GLDC: variants seen among roughly 807,000 people sequenced by gnomAD.
GLDC encodes glycine dehydrogenase (decarboxylating), mitochondrial.
In GLDC, 104 loss-of-function variants were observed where a neutral mutation model predicts 121.3. The observed-to-expected ratio is 0.86, with a 90% CI of 0.73 to 1.01. The LOEUF (loss-of-function observed/expected upper bound fraction) is 1.01, where lower values mean the gene tolerates loss of function less well. Ranked by LOEUF, GLDC falls within the 50% of genes least tolerant of loss-of-function variation. The pLI is 0.00. For missense variants in GLDC, 1,429 were observed against 1,306.6 expected (o/e 1.09, Z -1.44); for synonymous variants, 546 against 480.6 (o/e 1.14, Z -1.78).
intron 2 of GLDC, among the ~76,000 whole-genome samples, chr9:6,634,527 T>TCAAA (rs140567848): frequency 0.26 from 38,106 of 147,202 alleles, 6,871 homozygotes; most frequent in African/African-American, 0.51. Flanking sequence ...AGACCGTGTC[T>TCAAA]CAAACAAACA....
chr9:6,565,593 T>A, intron 15 of GLDC, 164 bp from the exon 16 acceptor site: 6 of 698,030 alleles, frequency 8.6e-6, no homozygotes, highest in Non-Finnish European at 1.6e-5. Flanking sequence ...AGTCAAAAGG[T>A]CTTGAACAAT....
intron 16 of GLDC, among the ~76,000 whole-genome samples, chr9:6,559,589 T>A (rs1163804484): frequency 6.9e-6 from 1 of 145,918 alleles, no homozygotes; most frequent in South Asian, 2.2e-4. Flanking sequence ...TCCCAACACT[T>A]CGGGAGGTGG....
At chr9:6,584,363 CA>C (rs945133608) in intron 15 of GLDC, among the ~76,000 whole-genome samples, 1 of 152,156 alleles carries the variant, frequency 6.6e-6, no homozygotes, top group Non-Finnish European at 1.5e-5. Flanking sequence ...TTTCTTCTTA[CA>C]AAAAATGTGA....
chr9:6,605,274 T>C lies in GLDC; in HGVS notation c.718A>G (p.Thr240Ala), dbSNP rs1174541100. ...AACTTCAGCTCAGTGAGGACTCCAGTATATCTGGAAAGACAGACAACAAAG... is the reference window on the plus strand; with the variant it reads ...AACTTCAGCTCAGTGAGGACTCCAGCATATCTGGAAAGACAGACAACAAAG... Reference protein sequence around the residue: ...IAVVQTRAKYTGVLTELKLPC... With the variant: ...IAVVQTRAKYAGVLTELKLPC... The change falls in exon 6 of 25, where the codon ACT becomes GCT. Residue 240 changes from threonine to alanine, a missense_variant. By Grantham distance (58) the Thr-to-Ala change is moderately conservative (BLOSUM62 0). Transcript: ENST00000321612. 8 of 1,613,540 alleles carry C rather than the reference T, an allele frequency of 5.0e-6. No individual in the cohort carries two copies. The highest frequency in any genetic ancestry group is 1.7e-5 in the Admixed American group (1 of 59,986).
intron 15 of GLDC, among the ~76,000 whole-genome samples, chr9:6,566,846 T>A (rs1817864362): frequency 6.6e-6 from 1 of 152,068 alleles, no homozygotes. Flanking sequence ...AGAAAATCGG[T>A]AAGAATTTTA....
intron 3 of GLDC, among the ~76,000 whole-genome samples, chr9:6,617,556 A>C (rs1332969143): frequency 6.6e-6 from 1 of 152,216 alleles, no homozygotes; most frequent in East Asian, 1.9e-4. Context: ...CCACAATGAA[A>C]AAGAAGCCTT....
intron 1 of GLDC, among the ~76,000 whole-genome samples, 174 bp downstream of exon 1, chr9:6,645,071 T>A (rs1168615963): frequency 6.6e-6 from 1 of 152,154 alleles, no homozygotes; most frequent in African/African-American, 2.4e-5. Flanking sequence ...TGTTAAGAAG[T>A]AAGAAGGCAC....
intron 8 of GLDC, among the ~76,000 whole-genome samples, chr9:6,600,895 C>T (rs941603030): frequency 1.3e-5 from 2 of 152,110 alleles, no homozygotes; most frequent in African/African-American, 2.4e-5. Context: ...CCAGACATGG[C>T]CAGGTGCAGT....
At chr9:6,570,992 T>G (rs530747301) in intron 15 of GLDC, among the ~76,000 whole-genome samples, 4 of 152,184 alleles carry the variant, frequency 2.6e-5, no homozygotes, top group African/African-American at 7.2e-5. Context: ...GTGAATTTGT[T>G]CCCTTCAACT....
chr9:6,611,615 C>T (rs564611022), intron 3 of GLDC, among the ~76,000 whole-genome samples: 169 of 151,920 alleles, frequency 1.1e-3, no homozygotes, highest in Middle Eastern at 0.01. Flanking sequence ...ATATGTTTTA[C>T]AGCATCATTT....
chr9:6,645,684 C>CG lies in GLDC; in HGVS notation c.-186dup. ...GGGCGCTGCGCTCAACCAAGACACT[C>CG]GCGCAAAGTTGTGGCTCCACCCAAG... On this transcript the variant is annotated 5_prime_UTR_variant, in exon 1 of 25. Transcript: ENST00000321612. 2.8e-6 allele frequency: 1 copy of CG among 360,460 alleles called. No individual in the cohort carries two copies. The highest frequency in any genetic ancestry group is 8.4e-4 in the Middle Eastern group (1 of 1,184). The allele number at this position is 360,460 out of a possible 1,614,324, so 22.3% of individuals were successfully genotyped here. A position where few individuals can be genotyped will look rare whatever the true frequency, so the allele number is the denominator to read the frequency against.
At chr9:6,543,897 G>T (rs200577902) in intron 21 of GLDC, among the ~76,000 whole-genome samples, 7 of 151,678 alleles carry the variant, frequency 4.6e-5, no homozygotes, top group African/African-American at 1.2e-4. Flanking sequence ...ACAGGAGGGG[G>T]GGGGATGAAG....
At chr9:6,590,740 G>T (rs1818359726) in intron 11 of GLDC, among the ~76,000 whole-genome samples, 1 of 152,168 alleles carries the variant, frequency 6.6e-6, no homozygotes, top group Non-Finnish European at 1.5e-5. Context: ...TGACCCCTTA[G>T]TGATGCTCCA....
At chr9:6,644,279 CACCTCTCA>C (rs1279183988) in intron 2 of GLDC, among the ~76,000 whole-genome samples, 1 of 151,848 alleles carries the variant, frequency 6.6e-6, no homozygotes, top group East Asian at 1.9e-4. Context: ...CAGGTAATGA[CACCTCTCA>C]ACCCAAAGTA....
chr9:6,566,668 C>G (rs1817860997), intron 15 of GLDC, among the ~76,000 whole-genome samples: 1 of 152,096 alleles, frequency 6.6e-6, no homozygotes, highest in South Asian at 2.1e-4. Context: ...TCCCAGTACC[C>G]TGTGCAGGAA....
intron 15 of GLDC, chr9:6,566,605 G>A (rs1817859859): frequency 1.3e-5 from 2 of 152,128 alleles, no homozygotes; most frequent in South Asian, 4.1e-4. Flanking sequence ...CATATGCCAT[G>A]ACTAACATTC....
rs538183173 is a variant in GLDC, at chr9:6,644,510, C to G, written c.334+104G>C. 73 of 790,294 alleles carry G rather than the reference C, an allele frequency of 9.2e-5. No individual in the cohort carries two copies. In the African/African-American group the frequency reaches 1.1e-3, roughly 12 times the overall value. The allele number at this position is 790,294 out of a possible 1,614,324, so 49.0% of individuals were successfully genotyped here. On this transcript the variant is annotated intron_variant, in intron 2 of 24. Transcript: ENST00000321612. Reference sequence around the variant, plus strand: ...CTGTTTTATTTTAATCCACACATTCCCAGTCCTGAGCAATCCTTACCCCAG... The same window carrying G: ...CTGTTTTATTTTAATCCACACATTCGCAGTCCTGAGCAATCCTTACCCCAG...
rs376869262 is a variant in GLDC, at chr9:6,589,156, C to G, written c.1580+39G>C. On this transcript the variant is annotated intron_variant, in intron 12 of 24. Transcript: ENST00000321612. ...TCTGCCTAACTCCCTAGCTGATTAC[C>G]AAAGCACAAAACGCAGAAGTCACAC... 4.0e-6 allele frequency: 5 copies of G among 1,244,748 alleles called. No individual in the cohort carries two copies. In the African/African-American group the frequency reaches 7.3e-5, roughly 18 times the overall value. 77.1% of individuals were successfully genotyped at this position (1,244,748 alleles called of 1,614,324 possible).
At chr9:6,610,141 C>T (rs1818821716) in intron 4 of GLDC, 51 bp downstream of exon 4, 1 of 1,396,962 alleles carries the variant, frequency 7.2e-7, no homozygotes, top group Non-Finnish European at 1.0e-6. Context: ...AAAACAAGGC[C>T]AGGCGAGGTG....
Sources: gnomAD v4.1 joint callset for allele counts (sites outside exome capture counted in the v4.1 genomes callset) on GRCh38, gnomAD v4.1.1 for gene constraint, MANE v1.5 for transcripts, NCBI Gene and HGNC (gene_info 2026-07-23, HGNC 2026-07-21) for gene names.